PDE5A: variants seen among roughly 807,000 people sequenced by gnomAD.
PDE5A encodes the protein phosphodiesterase 5A.
Under a neutral mutation model 110.2 loss-of-function variants are expected in PDE5A, and 67 were observed. The observed-to-expected ratio is 0.61, with a 90% CI of 0.50 to 0.75. The LOEUF (loss-of-function observed/expected upper bound fraction) is 0.75. Among genes scored for constraint, PDE5A ranks in the 30% least tolerant of loss-of-function variants. The pLI, the probability that PDE5A is intolerant of heterozygous loss-of-function variation, is 0.00. For synonymous variants in PDE5A, 328 were observed against 351.2 expected, an observed-to-expected ratio of 0.93 and a Z score of 0.74; for missense variants, 862 against 1,045.1, an observed-to-expected ratio of 0.82 and a Z score of 2.42.
At chr4:119,574,207 G>T (rs1363401478) in intron 3 of PDE5A, among the ~76,000 whole-genome samples, 9 of 95,288 alleles carry the variant, frequency 9.4e-5, no homozygotes, top group African/African-American at 3.7e-4. Context: ...TTTTGAGACA[G>T]AGTCTCACTC....
intron 7 of PDE5A, among the ~76,000 whole-genome samples, chr4:119,558,663 T>TA (rs1190949645): frequency 1.3e-5 from 2 of 151,912 alleles, no homozygotes; most frequent in African/African-American, 2.4e-5. Flanking sequence ...TTTATTAAAA[T>TA]AAAAAAAATC....
At chr4:119,606,658 G>A in intron 2 of PDE5A, 51 bp downstream of exon 2, 1 of 1,354,710 alleles carries the variant, frequency 7.4e-7, no homozygotes, top group Non-Finnish European at 1.0e-6. Flanking sequence ...ACCCGCCCCA[G>A]CCATAGTCCC....
intron 11 of PDE5A, among the ~76,000 whole-genome samples, chr4:119,532,508 A>G (rs1286675527): frequency 6.6e-5 from 10 of 152,046 alleles, no homozygotes. Flanking sequence ...TATCATTATA[A>G]TGGCCATTCA....
rs142150258 is a variant in PDE5A, at chr4:119,556,459, C to T, written c.1200-2713G>A. Among the ~76,000 whole-genome samples, 178 of 152,304 alleles carry T rather than the reference C, an allele frequency of 1.2e-3. 1 individual carries two copies. Among genetic ancestry groups the T allele is most frequent in the African/African-American group, 3.8e-3 (157 of 41,556 alleles). ...GAAAGTCCAAAGGTGTCTTGGTCCC[C>T]AAGGTCTTTGTGGAGCACAGCTACA... On this transcript the variant is annotated intron_variant, in intron 7 of 20. Coordinates refer to ENST00000354960, the MANE Select transcript of PDE5A (RefSeq NM_001083.4).
At chr4:119,547,044 C>T (rs1228627860) in intron 9 of PDE5A, among the ~76,000 whole-genome samples, 3 of 145,884 alleles carry the variant, frequency 2.1e-5, no homozygotes, top group African/African-American at 7.5e-5. Context: ...TTTTCTGTGT[C>T]TCATCTTATT....
intron 3 of PDE5A, among the ~76,000 whole-genome samples, chr4:119,585,740 C>G (rs1578800913): frequency 6.6e-6 from 1 of 152,276 alleles, no homozygotes; most frequent in Non-Finnish European, 1.5e-5. Context: ...GGGTGTAGAA[C>G]CTAAAGCCTC....
intron 17 of PDE5A, 111 bp downstream of exon 17, chr4:119,505,744 G>A (rs761362292): frequency 2.9e-5 from 19 of 646,682 alleles, no homozygotes; most frequent in Non-Finnish European, 4.8e-5. Flanking sequence ...CCGCTTTTAA[G>A]ATCATCATAT....
rs925793629 is a variant in PDE5A at position 119,495,887 on chromosome 4, A to G, written c.*2714T>C. On this transcript the variant is annotated 3_prime_UTR_variant, in exon 21 of 21. Transcript: ENST00000354960. Reference sequence around the variant, plus strand: ...AATAGATCACCTTCTCTCTAGACTAATATCCCATTTCTGACAGTGGTCTCC... The same window carrying G: ...AATAGATCACCTTCTCTCTAGACTAGTATCCCATTTCTGACAGTGGTCTCC... 1 of 152,112 alleles carries G rather than the reference A, an allele frequency of 6.6e-6. No homozygotes were observed. The allele number at this position is 152,112 out of a possible 1,614,324, so 9.4% of individuals were successfully genotyped here.
chr4:119,590,786 C>T (rs193191319), intron 3 of PDE5A, among the ~76,000 whole-genome samples: 34 of 152,216 alleles, frequency 2.2e-4, no homozygotes, highest in African/African-American at 7.9e-4. Context: ...CTGCATTTTC[C>T]GGCCTATGTT....
intron 16 of PDE5A, among the ~76,000 whole-genome samples, chr4:119,506,912 G>A (rs1725576477): frequency 6.6e-6 from 1 of 151,206 alleles, no homozygotes; most frequent in African/African-American, 2.5e-5. Context: ...TCCTTACAGA[G>A]GGAGAGAGAC....
At position 119,606,895 on chromosome 4, in the gene PDE5A, A is replaced by G. The variant is rs1053869092; in HGVS notation, c.555T>C (p.Tyr185=). 8.1e-6 allele frequency: 13 copies of G among 1,614,276 alleles called. No homozygotes were observed. The highest frequency in any genetic ancestry group is 1.1e-5 in the Non-Finnish European group (13 of 1,180,048). The change falls in exon 2 of 21, where the codon TAT becomes TAC. Residue 185 remains tyrosine (Y), a synonymous_variant. Coordinates refer to ENST00000354960, the MANE Select transcript of PDE5A (RefSeq NM_001083.4). The stretch of plus-strand genomic sequence containing the variant: ...TGTCTTCACAGACAAGGAACAGGGA[A>G]TAGCGGTCAGCAGATATCAGTCCAT... ...HIHGLISADR[Y]SLFLVCEDSS... is the part of the protein sequence containing the mutation.
chr4:119,592,310 T>A (rs545972407), intron 3 of PDE5A, among the ~76,000 whole-genome samples: 72 of 146,820 alleles, frequency 4.9e-4, no homozygotes, highest in African/African-American at 1.7e-3. Flanking sequence ...AAAAAGAAAT[T>A]AGCCGGGCGT....
In PDE5A at chr4:119,590,778, G is replaced by C. The variant is rs76671469; in HGVS notation, c.831+5745C>G. Among the ~76,000 whole-genome samples, 1,141 of 152,250 alleles carry C rather than the reference G, an allele frequency of 7.5e-3. 19 individuals carry two copies. The highest frequency in any genetic ancestry group is 0.026 in the African/African-American group (1,080 of 41,548). Reference sequence around the variant, plus strand: ...TTCAGTGAATCTTAAAAATCTTCCTGCATTTTCCGGCCTATGTTATAATTC... The same window carrying C: ...TTCAGTGAATCTTAAAAATCTTCCTCCATTTTCCGGCCTATGTTATAATTC... On this transcript the variant is annotated intron_variant, in intron 3 of 20. Transcript: ENST00000354960.
chr4:119,627,026 A>G lies in PDE5A; in HGVS notation c.152+1494T>C. On this transcript the variant is annotated intron_variant, in intron 1 of 20. Coordinates refer to ENST00000354960, the MANE Select transcript of PDE5A (RefSeq NM_001083.4). The surrounding 1 kb of genome is among the most constrained non-coding windows in gnomAD (Gnocchi z 4.6). Reference sequence around the variant, plus strand: ...GAATAACAACAACAACAAAAGTTATACAGTCAATTTTCAATGATACATCGT... The same window carrying G: ...GAATAACAACAACAACAAAAGTTATGCAGTCAATTTTCAATGATACATCGT... 9.4e-7 allele frequency: 1 copy of G among 1,067,272 alleles called. No individual in the cohort carries two copies. Among genetic ancestry groups the G allele is most frequent in the Non-Finnish European group, 1.4e-6 (1 of 715,872 alleles). 66.1% of individuals were successfully genotyped at this position (1,067,272 alleles called of 1,614,324 possible).
intron 13 of PDE5A, among the ~76,000 whole-genome samples, chr4:119,520,281 T>C (rs908040759): frequency 2.0e-5 from 3 of 152,088 alleles, no homozygotes; most frequent in Non-Finnish European, 4.4e-5. Context: ...AAAACAGTTA[T>C]ATGATGGATG....
intron 3 of PDE5A, among the ~76,000 whole-genome samples, chr4:119,585,771 C>T (rs968876979): frequency 2.6e-5 from 4 of 152,216 alleles, no homozygotes; most frequent in African/African-American, 4.8e-5. Flanking sequence ...AACAGAACGC[C>T]GGGAAAGTCG....
intron 14 of PDE5A, among the ~76,000 whole-genome samples, chr4:119,515,335 AC>A (rs1314449734): frequency 2.6e-5 from 4 of 152,092 alleles, no homozygotes; most frequent in Non-Finnish European, 4.4e-5. Flanking sequence ...CCAGACCATG[AC>A]TTCAGCTCAC....
chr4:119,542,881 C>G (rs1726991289), intron 9 of PDE5A, among the ~76,000 whole-genome samples: 1 of 152,046 alleles, frequency 6.6e-6, no homozygotes. Context: ...TATTTTCTTC[C>G]AGACTCGGTC....
At chr4:119,552,705 T>C in intron 8 of PDE5A, 68 bp from the exon 9 acceptor site, 1 of 773,194 alleles carries the variant, frequency 1.3e-6, no homozygotes, top group Non-Finnish European at 2.1e-6. Flanking sequence ...TTAGATGCCA[T>C]ATAAACTATA....
Sources: gnomAD v4.1 joint callset for allele counts (sites outside exome capture counted in the v4.1 genomes callset) on GRCh38, gnomAD v4.1.1 for gene constraint, Gnocchi (gnomAD v3.1) non-coding constraint, MANE v1.5 for transcripts, NCBI Gene and HGNC (gene_info 2026-07-23, HGNC 2026-07-21) for gene names.